Variants in B3GAT2 observed in about 807,000 individuals in gnomAD.
B3GAT2 encodes beta-1,3-glucuronyltransferase 2.
In B3GAT2, 26 loss-of-function variants were observed where a neutral mutation model predicts 27.8. The ratio of observed to expected loss-of-function variants is 0.93; its 90% CI spans 0.68 to 1.30. The LOEUF (loss-of-function observed/expected upper bound fraction) is 1.30, where lower values mean the gene tolerates loss of function less well. Ranked by LOEUF, B3GAT2 falls within the 50% of genes most tolerant of loss-of-function variation. B3GAT2 has a pLI of 0.00. For synonymous variants in B3GAT2, 218 were observed against 195.1 expected (o/e 1.12, Z -0.98); for missense variants, 458 against 459.0 (o/e 1.00, Z 0.02).
At position 70,943,089 on chromosome 6, in the gene B3GAT2, G is replaced by C. The variant is rs547506752; in HGVS notation, c.591+12750C>G. On this transcript the variant is annotated intron_variant, in intron 1 of 3. Coordinates refer to ENST00000230053, the MANE Select transcript of B3GAT2 (RefSeq NM_080742.3). Reference sequence around the variant, plus strand: ...AACTACTGCGTTTTTAGTTGTTTTAGGAAAAAGACCCAATCTGACTTCTGG... The same window carrying C: ...AACTACTGCGTTTTTAGTTGTTTTACGAAAAAGACCCAATCTGACTTCTGG... 3.0e-4 allele frequency among the ~76,000 whole-genome samples: 46 copies of C among 152,240 alleles called. No individual in the cohort carries two copies. In the South Asian group the frequency reaches 9.1e-3, roughly 30 times the overall value.
At chr6:70,951,126 C>T (rs1387641774) in intron 1 of B3GAT2, among the ~76,000 whole-genome samples, 1 of 152,074 alleles carries the variant, frequency 6.6e-6, no homozygotes, top group Non-Finnish European at 1.5e-5. Context: ...TTAACTTACA[C>T]AGGCTGAATA....
rs1316304856 is a variant in B3GAT2 at position 70,860,255 on chromosome 6, T to G, written c.*1408A>C. 1.9e-6 allele frequency: 3 copies of G among 1,613,630 alleles called. No individual in the cohort carries two copies. The African/African-American group carries it at 4.0e-5, about 22-fold the overall frequency. On this transcript the variant is annotated 3_prime_UTR_variant, in exon 4 of 4. Coordinates refer to ENST00000230053, the MANE Select transcript of B3GAT2 (RefSeq NM_080742.3). ...AGTAGTGCAACCCCTACTGCAGGTT[T>G]TGGCCAGCCCTCCAGCACAACAGCA...
At chr6:70,876,712 T>C (rs1207681028) in intron 2 of B3GAT2, among the ~76,000 whole-genome samples, 3 of 152,212 alleles carry the variant, frequency 2.0e-5, no homozygotes, top group African/African-American at 7.2e-5. Flanking sequence ...TATTCACTCA[T>C]TCAGAAGCTC....
Position 70,906,992 on chromosome 6 carries a change from C to G in B3GAT2, c.592-12720G>C, listed in dbSNP as rs191105935. On this transcript the variant is annotated intron_variant, in intron 1 of 3. Coordinates refer to ENST00000230053, the MANE Select transcript of B3GAT2 (RefSeq NM_080742.3). Reference sequence around the variant, plus strand: ...AGGCATCAACTTACTGAGAATGGTGCAGGAACATGATGAAAACCACAAACT... The same window carrying G: ...AGGCATCAACTTACTGAGAATGGTGGAGGAACATGATGAAAACCACAAACT... Among the ~76,000 whole-genome samples, 450 of 152,288 alleles carry G rather than the reference C, an allele frequency of 3.0e-3. 1 individual carries two copies. Among genetic ancestry groups the G allele is most frequent in the Non-Finnish European group, 3.8e-3 (258 of 68,026 alleles).
At chr6:70,937,916 A>G (rs1426620110) in intron 1 of B3GAT2, among the ~76,000 whole-genome samples, 168 of 151,618 alleles carry the variant, frequency 1.1e-3, no homozygotes, top group African/African-American at 3.8e-3. Context: ...AATTAGGCAG[A>G]AGAAGGACAT....
At chr6:70,910,153 G>A (rs1417159907) in intron 1 of B3GAT2, among the ~76,000 whole-genome samples, 1 of 152,282 alleles carries the variant, frequency 6.6e-6, no homozygotes, top group Non-Finnish European at 1.5e-5. Flanking sequence ...GATTACAGGC[G>A]TGAGCCACTG....
Position 70,857,935 on chromosome 6 carries a change from A to C in B3GAT2, c.*3728T>G, listed in dbSNP as rs755191351. ...TTTGTGGTGCAGGTGTATTTATGGG[A>C]CCCACAAATATACCATTTACCTCAC... On this transcript the variant is annotated 3_prime_UTR_variant, in exon 4 of 4. Coordinates refer to ENST00000230053, the MANE Select transcript of B3GAT2 (RefSeq NM_080742.3). The C allele has an allele frequency of 7.4e-6, 12 of 1,613,858 alleles. No homozygotes were observed. Among genetic ancestry groups the C allele is most frequent in the Non-Finnish European group, 8.5e-6 (10 of 1,179,884 alleles).
chr6:70,914,205 C>T (rs761957856), intron 1 of B3GAT2, among the ~76,000 whole-genome samples: 1 of 152,092 alleles, frequency 6.6e-6, no homozygotes, highest in Non-Finnish European at 1.5e-5. Context: ...CGTGGTTATA[C>T]ATGTGCCATG....
Position 70,882,977 on chromosome 6 carries a change from C to A in B3GAT2, c.736+11151G>T, listed in dbSNP as rs371188675. On this transcript the variant is annotated intron_variant, in intron 2 of 3. Transcript: ENST00000230053. ...TCTAAGAAGGAAGTACAAATGGCCA[C>A]GAAGCACATGAAGTGCAAATCAAAA... Among the ~76,000 whole-genome samples, 122 of 152,122 alleles carry A rather than the reference C, an allele frequency of 8.0e-4. 2 individuals carry two copies. Among genetic ancestry groups the A allele is most frequent in the Middle Eastern group, 3.2e-3 (1 of 316 alleles).
At chr6:70,880,979 C>G (rs1031325777) in intron 2 of B3GAT2, among the ~76,000 whole-genome samples, 1 of 152,138 alleles carries the variant, frequency 6.6e-6, no homozygotes, top group African/African-American at 2.4e-5. Flanking sequence ...CTGTTTCTTT[C>G]TTGATATTTC....
chr6:70,935,832 A>T (rs1208010652), intron 1 of B3GAT2, among the ~76,000 whole-genome samples: 2 of 152,212 alleles, frequency 1.3e-5, no homozygotes, highest in Non-Finnish European at 2.9e-5. Flanking sequence ...GGCTAGGAAG[A>T]AACTGCATCA....
chr6:70,935,272 C>G (rs1773125384), intron 1 of B3GAT2, among the ~76,000 whole-genome samples: 1 of 151,778 alleles, frequency 6.6e-6, no homozygotes, highest in African/African-American at 2.4e-5. Context: ...ATAGGAGGAC[C>G]CTGTCTCTAC....
intron 1 of B3GAT2, among the ~76,000 whole-genome samples, chr6:70,934,480 C>A (rs72920711): frequency 0.081 from 12,226 of 151,556 alleles, 590 homozygotes; most frequent in Non-Finnish European, 0.11. Context: ...GGGCACCAAA[C>A]AAAGGTAATC....
Position 70,856,801 on chromosome 6 carries a change from T to C in B3GAT2, c.*4862A>G. On this transcript the variant is annotated 3_prime_UTR_variant, in exon 4 of 4. Transcript: ENST00000230053. The stretch of plus-strand genomic sequence containing the variant: ...ATAACTTTATTTGGATTTTAAGTAA[T>C]GGATAAGCTGCGCTTTACTATGCAG... 1.4e-6 allele frequency: 2 copies of C among 1,465,068 alleles called. No homozygotes were observed. Among genetic ancestry groups the C allele is most frequent in the African/African-American group, 1.4e-5 (1 of 70,992 alleles). The allele number at this position is 1,465,068 out of a possible 1,614,324, so 90.8% of individuals were successfully genotyped here.
In B3GAT2 at chr6:70,861,519, A is replaced by C; in HGVS notation, c.*144T>G. The C allele has an allele frequency of 2.9e-6, 2 of 681,784 alleles. No homozygotes were observed. Among genetic ancestry groups the C allele is most frequent in the Non-Finnish European group, 5.0e-6 (2 of 396,584 alleles). 42.2% of individuals were successfully genotyped at this position (681,784 alleles called of 1,614,324 possible). ...TTATGTTAACTGACAAGCTCCATTT[A>C]AACAGATGTCCATCAGATGACAAGA... On this transcript the variant is annotated 3_prime_UTR_variant, in exon 4 of 4. Transcript: ENST00000230053.
At chr6:70,934,574 C>T (rs532521408) in intron 1 of B3GAT2, among the ~76,000 whole-genome samples, 1 of 152,270 alleles carries the variant, frequency 6.6e-6, no homozygotes, top group South Asian at 2.1e-4. Flanking sequence ...AGGTTTCTAA[C>T]TATTTGCATT....
intron 1 of B3GAT2, among the ~76,000 whole-genome samples, chr6:70,937,437 G>T (rs1242350830): frequency 2.0e-5 from 3 of 152,004 alleles, no homozygotes; most frequent in Non-Finnish European, 4.4e-5. Flanking sequence ...AAGCCGGGCA[G>T]AGACACAGCC....
intron 2 of B3GAT2, among the ~76,000 whole-genome samples, chr6:70,891,664 T>C (rs191128591): frequency 8.5e-5 from 13 of 152,154 alleles, no homozygotes; most frequent in Non-Finnish European, 2.9e-5. Flanking sequence ...GCTTTGCAAA[T>C]GCAAGACAGA....
intron 1 of B3GAT2, among the ~76,000 whole-genome samples, chr6:70,896,244 C>T (rs1772383268): frequency 6.6e-6 from 1 of 152,072 alleles, no homozygotes. Context: ...TTCCTCTGGA[C>T]CCTGCCTGAT....
Sources: allele counts gnomAD v4.1 joint callset (sites outside exome capture counted in the v4.1 genomes callset), GRCh38; gene constraint gnomAD v4.1.1; transcripts MANE v1.5; gene names NCBI Gene and HGNC (gene_info 2026-07-23, HGNC 2026-07-21).